Variants in SOBP observed in about 807,000 individuals in gnomAD.
SOBP encodes sine oculis-binding protein homolog.
A neutral mutation model predicts 53.6 loss-of-function variants in SOBP; 4 were observed. The observed-to-expected ratio is 0.07, with a 90% CI of 0.04 to 0.17. The LOEUF is 0.17. Among genes scored for constraint, SOBP ranks in the 10% least tolerant of loss-of-function variants. The probability of loss-of-function intolerance (pLI) is 1.00; values close to 1 mark genes in which losing one functional copy is unlikely to be tolerated. For missense variants in SOBP, 1,088 were observed against 1,204.7 expected (o/e 0.90, Z 1.43); for synonymous variants, 584 against 522.6 (o/e 1.12, Z -1.60).
chr6:107,494,611 T>C (rs574957908), intron 1 of SOBP, among the ~76,000 whole-genome samples: 4 of 152,360 alleles, frequency 2.6e-5, no homozygotes, highest in Admixed American at 6.5e-5. Flanking sequence ...CTGGAAACTT[T>C]CCTAAACAAA....
At chr6:107,517,805 A>G (rs572245668) in intron 3 of SOBP, among the ~76,000 whole-genome samples, 2 of 152,220 alleles carry the variant, frequency 1.3e-5, no homozygotes, top group African/African-American at 2.4e-5. Flanking sequence ...GAATACACCA[A>G]TATTTCTTAA....
intron 6 of SOBP, among the ~76,000 whole-genome samples, chr6:107,651,295 T>C (rs1240132843): frequency 6.6e-6 from 1 of 152,146 alleles, no homozygotes; most frequent in African/African-American, 2.4e-5. Flanking sequence ...GCTACTCCAG[T>C]GAAGACACAA....
At chr6:107,519,083 G>A (rs1783409224) in intron 3 of SOBP, among the ~76,000 whole-genome samples, 1 of 149,164 alleles carries the variant, frequency 6.7e-6, no homozygotes, top group South Asian at 2.2e-4. Flanking sequence ...CTTGAGAGCT[G>A]CATTTGATAT....
chr6:107,608,898 G>A (rs1786488240), intron 5 of SOBP, among the ~76,000 whole-genome samples: 1 of 152,174 alleles, frequency 6.6e-6, no homozygotes, highest in African/African-American at 2.4e-5. Flanking sequence ...GTTCGATTTG[G>A]CATCAGAAAG....
At chr6:107,522,692 A>G (rs1215254279) in intron 3 of SOBP, among the ~76,000 whole-genome samples, 2 of 151,664 alleles carry the variant, frequency 1.3e-5, no homozygotes. Context: ...ACAGGCAGGC[A>G]CGATCATGCC....
intron 5 of SOBP, among the ~76,000 whole-genome samples, chr6:107,589,454 A>G (rs1389483507): frequency 6.6e-6 from 1 of 152,228 alleles, no homozygotes; most frequent in African/African-American, 2.4e-5. Flanking sequence ...AATATTAAGT[A>G]ACTTAAACAA....
Position 107,634,363 on chromosome 6 carries a change from A to T in SOBP, c.1519A>T (p.Met507Leu), listed in dbSNP as rs1770879806. ...TGGCCCGATGCCGGTGCCCCAGATG[A>T]TGAATTTCGGGCTGCCGTCGCTTGC... ...PNGPMPVPQM[M>L]NFGLPSLAPL... is the part of the protein sequence containing the mutation. Residue 507 changes from methionine to leucine, a missense_variant, in exon 6 of 7, where the codon ATG becomes TTG. Coordinates refer to ENST00000317357, the MANE Select transcript of SOBP (RefSeq NM_018013.4). The surrounding 1 kb of genome is among the most constrained non-coding windows in gnomAD (Gnocchi z 4.5). 1 of 1,593,354 alleles carries T rather than the reference A, an allele frequency of 6.3e-7. No homozygotes were observed. The highest frequency in any genetic ancestry group is 8.5e-7 in the Non-Finnish European group (1 of 1,176,690).
intron 3 of SOBP, among the ~76,000 whole-genome samples, chr6:107,527,794 G>A (rs536447902): frequency 6.6e-6 from 1 of 152,276 alleles, no homozygotes; most frequent in African/African-American, 2.4e-5. Flanking sequence ...TACCTCATTT[G>A]CTTATAAAAA....
chr6:107,503,308 G>A (rs563708544), intron 1 of SOBP, among the ~76,000 whole-genome samples: 1 of 152,212 alleles, frequency 6.6e-6, no homozygotes, highest in South Asian at 2.1e-4. Context: ...AGCTGTTTTT[G>A]TGATTCACCT....
chr6:107,552,383 G>A (rs1355314104), intron 4 of SOBP, among the ~76,000 whole-genome samples: 1 of 152,186 alleles, frequency 6.6e-6, no homozygotes, highest in Non-Finnish European at 1.5e-5. Flanking sequence ...TTTAAGCTGT[G>A]CTATATGAAG....
intron 5 of SOBP, among the ~76,000 whole-genome samples, chr6:107,629,039 C>T (rs1365428133): frequency 6.6e-6 from 1 of 152,144 alleles, no homozygotes; most frequent in African/African-American, 2.4e-5. Context: ...AAGATCAGTG[C>T]CACAGTCAAC....
chr6:107,536,969 T>A (rs1784017813), intron 4 of SOBP, among the ~76,000 whole-genome samples: 1 of 152,238 alleles, frequency 6.6e-6, no homozygotes, highest in South Asian at 2.1e-4. Context: ...GACAATGGGA[T>A]GTCAATCTCA....
At chr6:107,573,829 A>G (rs993287129) in intron 4 of SOBP, among the ~76,000 whole-genome samples, 4 of 152,250 alleles carry the variant, frequency 2.6e-5, no homozygotes, top group South Asian at 2.1e-4. Flanking sequence ...GGCTATAAAT[A>G]TATGATCTTT....
At chr6:107,531,541 A>T (rs1486687237) in intron 3 of SOBP, among the ~76,000 whole-genome samples, 1 of 152,200 alleles carries the variant, frequency 6.6e-6, no homozygotes, top group East Asian at 1.9e-4. Flanking sequence ...TTTTCATACC[A>T]TGTAAAATGT....
At chr6:107,562,863 GAAAA>G (rs563567831) in intron 4 of SOBP, among the ~76,000 whole-genome samples, 1 of 152,000 alleles carries the variant, frequency 6.6e-6, no homozygotes, top group African/African-American at 2.4e-5. Flanking sequence ...TTTTCAGTAA[GAAAA>G]AAAGAAGGGA....
At chr6:107,506,183 T>A in intron 2 of SOBP, 59 bp from the exon 3 acceptor site, 1 of 1,482,770 alleles carries the variant, frequency 6.7e-7, no homozygotes. Context: ...TAAGGAAAAA[T>A]TTAAGTCTAC....
At position 107,635,430 on chromosome 6, in the gene SOBP, A is replaced by T. The variant is rs797046002; in HGVS notation, c.2586A>T (p.Lys862Asn). The T allele has an allele frequency of 6.2e-7, 1 of 1,613,430 alleles. No homozygotes were observed. The highest frequency in any genetic ancestry group is 1.3e-5 in the African/African-American group (1 of 74,898). ...CTGAGGACCTGGAGCCGCCGCTCAAAAGGAGGTGCCTCCGAATTAGAAATC... is the reference window on the plus strand; with the variant it reads ...CTGAGGACCTGGAGCCGCCGCTCAATAGGAGGTGCCTCCGAATTAGAAATC... The part of the protein sequence containing the change: ...AGPEDLEPPL[K>N]RRCLRIRNQN... Residue 862 changes from lysine (K) to asparagine (N), a missense_variant, in exon 6 of 7, where the codon AAA becomes AAT. Lys to Asn is a moderately conservative substitution (Grantham distance 94). Transcript: ENST00000317357. The surrounding 1 kb of genome is among the most constrained non-coding windows in gnomAD (Gnocchi z 4.5).
chr6:107,579,038 G>A (rs1217058531), intron 4 of SOBP, among the ~76,000 whole-genome samples: 1 of 152,164 alleles, frequency 6.6e-6, no homozygotes, highest in Non-Finnish European at 1.5e-5. Context: ...TATTAATTAA[G>A]GATTTTGTGG....
At chr6:107,543,782 G>A (rs1157361406) in intron 4 of SOBP, among the ~76,000 whole-genome samples, 2 of 152,158 alleles carry the variant, frequency 1.3e-5, no homozygotes, top group Non-Finnish European at 2.9e-5. Flanking sequence ...TAAAAATGTG[G>A]TTAGCCGTCA....
Sources: gnomAD v4.1 joint callset for allele counts (sites outside exome capture counted in the v4.1 genomes callset) on GRCh38, gnomAD v4.1.1 for gene constraint, Gnocchi (gnomAD v3.1) non-coding constraint, MANE v1.5 for transcripts, NCBI Gene and HGNC (gene_info 2026-07-23, HGNC 2026-07-21) for gene names.